RBM47: variants seen among roughly 807,000 people sequenced by gnomAD.
RBM47 encodes RNA-binding protein 47.
A neutral mutation model predicts 47.1 loss-of-function variants in RBM47; 21 were observed. That is an observed-to-expected ratio of 0.45 (90% CI 0.32 to 0.64). RBM47 has a LOEUF of 0.64. RBM47 is among the 30% of genes least tolerant of loss of function. The probability of loss-of-function intolerance (pLI) is 0.05; values close to 1 mark genes in which losing one functional copy is unlikely to be tolerated. For synonymous variants in RBM47, 375 were observed against 361.7 expected, an observed-to-expected ratio of 1.04 and a Z score of -0.42; for missense variants, 708 against 870.9, an observed-to-expected ratio of 0.81 and a Z score of 2.35.
intron 3 of RBM47, among the ~76,000 whole-genome samples, chr4:40,465,402 T>C (rs1040774498): frequency 1.3e-5 from 2 of 152,124 alleles, no homozygotes; most frequent in African/African-American, 4.8e-5. Flanking sequence ...GCCTCATGCC[T>C]GTAATCCTAG....
At chr4:40,436,903 A>G in intron 4 of RBM47, 2 of 600,806 alleles carry the variant, frequency 3.3e-6, no homozygotes, top group Non-Finnish European at 6.2e-6. Context: ...TTCAGTAAAG[A>G]AAAACATTCA....
At chr4:40,433,745 C>T (rs1711753989) in intron 5 of RBM47, among the ~76,000 whole-genome samples, 1 of 151,452 alleles carries the variant, frequency 6.6e-6, no homozygotes, top group African/African-American at 2.4e-5. Flanking sequence ...TCAACATTAC[C>T]GATTCAAGGA....
intron 2 of RBM47, among the ~76,000 whole-genome samples, chr4:40,472,554 C>A (rs563304849): frequency 2.4e-5 from 3 of 123,274 alleles, no homozygotes; most frequent in African/African-American, 1.1e-4. Flanking sequence ...AAGAGTGATG[C>A]TCTGTCTCAA....
chr4:40,565,401 C>A (rs1290643303), intron 1 of RBM47, among the ~76,000 whole-genome samples: 1 of 152,126 alleles, frequency 6.6e-6, no homozygotes, highest in Non-Finnish European at 1.5e-5. Flanking sequence ...TAGTTGCTGG[C>A]TCATGAGCAG....
intron 1 of RBM47, among the ~76,000 whole-genome samples, chr4:40,609,222 G>A (rs990269877): frequency 3.3e-5 from 5 of 151,876 alleles, no homozygotes; most frequent in Non-Finnish European, 7.4e-5. Flanking sequence ...TTAAACTCCC[G>A]ACCGTGATTC....
At chr4:40,511,306 G>A (rs1301028109) in intron 2 of RBM47, among the ~76,000 whole-genome samples, 1 of 152,178 alleles carries the variant, frequency 6.6e-6, no homozygotes, top group African/African-American at 2.4e-5. Flanking sequence ...GTTGTGAAAT[G>A]CCTTTTCATT....
chr4:40,546,048 G>A (rs554361473), intron 1 of RBM47, among the ~76,000 whole-genome samples: 21 of 152,234 alleles, frequency 1.4e-4, no homozygotes, highest in Non-Finnish European at 3.1e-4. Context: ...TATGAGTTGT[G>A]TTAGTTTTAA....
chr4:40,630,087 G>A (rs1017268343), upstream of RBM47: 3 of 152,236 alleles, frequency 2.0e-5, no homozygotes, highest in Admixed American at 2.0e-4. Flanking sequence ...CATTCCTGTT[G>A]TTTTTTAGGA....
At position 40,504,438 on chromosome 4, in the gene RBM47, C is replaced by A. The variant is rs189698857; in HGVS notation, c.-154-37739G>T. On this transcript the variant is annotated intron_variant, in intron 2 of 6. Transcript: ENST00000295971. ...TCCCAGTAGCTGGGATTACAGGTGC[C>A]CGCCACCACACCTGACTAATCTTTT... Among the ~76,000 whole-genome samples, 472 of 151,932 alleles carry A rather than the reference C, an allele frequency of 3.1e-3. 3 individuals are homozygous for A. Among genetic ancestry groups the A allele is most frequent in the African/African-American group, 8.0e-3 (330 of 41,442 alleles).
chr4:40,508,534 A>G (rs775829414), intron 2 of RBM47, among the ~76,000 whole-genome samples: 1 of 152,270 alleles, frequency 6.6e-6, no homozygotes, highest in Non-Finnish European at 1.5e-5. Flanking sequence ...AGGATAAATT[A>G]TAACTACATG....
chr4:40,566,624 G>A (rs1040650765), intron 1 of RBM47, among the ~76,000 whole-genome samples: 5 of 152,000 alleles, frequency 3.3e-5, no homozygotes, highest in South Asian at 2.1e-4. Flanking sequence ...CACGCTGGGC[G>A]ACAGAGCGAG....
intron 1 of RBM47, among the ~76,000 whole-genome samples, chr4:40,618,145 G>A (rs115399448): frequency 0.025 from 3,818 of 152,188 alleles, 66 homozygotes; most frequent in Non-Finnish European, 0.041. Flanking sequence ...GTGAAGCTGA[G>A]GTGGGAGGAT....
Position 40,628,703 on chromosome 4 carries a change from C to T in RBM47, c.-240+693G>A, listed in dbSNP as rs1737965185. ...GATTTTTAGTTCAGGTCGGTAATGG[C>T]CTGTAAGTACCTTGAAGATGGTATC... is the stretch of plus-strand genomic sequence containing the variant. On this transcript the variant is annotated intron_variant, in intron 1 of 6. Transcript: ENST00000295971. This position sits in a 1 kb window ranked among gnomAD's most constrained non-coding sequence, Gnocchi z 4.0. Among the ~76,000 whole-genome samples the T allele has an allele frequency of 6.6e-6, 1 of 152,078 alleles. No individual in the cohort carries two copies. Among genetic ancestry groups the T allele is most frequent in the Non-Finnish European group, 1.5e-5 (1 of 68,030 alleles).
chr4:40,494,352 G>C (rs1722289833), intron 2 of RBM47, among the ~76,000 whole-genome samples: 1 of 152,192 alleles, frequency 6.6e-6, no homozygotes. Flanking sequence ...TCTAGGACTA[G>C]ATATTTAGAA....
intron 1 of RBM47, among the ~76,000 whole-genome samples, chr4:40,553,126 C>T (rs1315847412): frequency 6.7e-6 from 1 of 150,062 alleles, no homozygotes; most frequent in East Asian, 1.9e-4. Flanking sequence ...CGCCACCACG[C>T]CCCACCTCTG....
chr4:40,485,014 T>G (rs972169032), intron 2 of RBM47, among the ~76,000 whole-genome samples: 17 of 152,238 alleles, frequency 1.1e-4, no homozygotes, highest in African/African-American at 4.1e-4. Context: ...TTTGTTTTCT[T>G]TTTCTTTTTT....
chr4:40,515,830 A>T (rs955999388), intron 2 of RBM47: 1 of 152,202 alleles, frequency 6.6e-6, no homozygotes, highest in Non-Finnish European at 1.5e-5. Flanking sequence ...CAGTTTTAAA[A>T]TGTCAGAAGG....
chr4:40,444,102 G>A (rs989537957), intron 3 of RBM47, among the ~76,000 whole-genome samples: 1 of 152,152 alleles, frequency 6.6e-6, no homozygotes, highest in African/African-American at 2.4e-5. Flanking sequence ...GGGAGGCTGA[G>A]GTGGAAGGAT....
intron 1 of RBM47, among the ~76,000 whole-genome samples, chr4:40,600,999 A>AAAAAAAAAAAAAAAAG (rs1338188731): frequency 2.4e-4 from 36 of 147,350 alleles, no homozygotes; most frequent in African/African-American, 8.1e-4. Flanking sequence ...AAAAAAAAAA[A>AAAAAAAAAAAAAAAAG]AAAGAAAGAA....
Sources: allele counts gnomAD v4.1 joint callset (sites outside exome capture counted in the v4.1 genomes callset), GRCh38; gene constraint gnomAD v4.1.1; non-coding constraint Gnocchi (gnomAD v3.1); transcripts MANE v1.5; gene names NCBI Gene and HGNC (gene_info 2026-07-23, HGNC 2026-07-21).